Variants in MYH9 observed in about 807,000 individuals in gnomAD.
MYH9 encodes the protein myosin heavy chain 9.
MYH9 carries 29 observed loss-of-function variants against 241.9 expected under a neutral mutation model. The observed-to-expected ratio is 0.12, with a 90% CI of 0.09 to 0.16. MYH9 has a LOEUF of 0.16. Ranked by LOEUF, MYH9 falls within the 10% of genes least tolerant of loss-of-function variation. The pLI is 1.00. For synonymous variants in MYH9, 1,047 were observed against 1,062.6 expected (o/e 0.99, Z 0.29); for missense variants, 1,803 against 2,595.5 (o/e 0.69, Z 6.63).
At chr22:36,308,761 T>C (rs1286425447) in intron 15 of MYH9, 25 of 953,746 alleles carry the variant, frequency 2.6e-5, no homozygotes, top group Non-Finnish European at 2.9e-5. Flanking sequence ...TTGCACAGCT[T>C]TGGACGCACC....
intron 38 of MYH9, 59 bp from the exon 39 acceptor site, chr22:36,284,570 A>G: frequency 1.3e-6 from 2 of 1,542,044 alleles, no homozygotes; most frequent in East Asian, 2.3e-5. Flanking sequence ...TCCGGCCAAC[A>G]AGCCCTAACC....
chr22:36,314,419 C>T (rs1312237766), intron 12 of MYH9, 101 bp from the exon 13 acceptor site: 8 of 1,433,858 alleles, frequency 5.6e-6, no homozygotes, highest in African/African-American at 1.4e-5. Context: ...CAGGAAGGGC[C>T]TCCTTGGGCA....
chr22:36,312,362 C>T, intron 13 of MYH9, 140 bp from the exon 14 acceptor site: 7 of 804,776 alleles, frequency 8.7e-6, no homozygotes, highest in Non-Finnish European at 1.4e-5. Context: ...AAGCAAAGCA[C>T]TGTTGAAGAT....
At position 36,312,106 on chromosome 22, in the gene MYH9, C is replaced by T. The variant is rs759266266; in HGVS notation, c.1671G>A (p.Gln557=). The part of the protein sequence containing the change: ...MQEQGTHPKF[Q]KPKQLKDKAD... ...CTTTGTCCTTCAGCTGCTTGGGCTT[C>T]TGGAACTTGGGGTGGGTGCCCTGCT... Residue 557 remains glutamine, a synonymous_variant, in exon 14 of 41, where the codon CAG becomes CAA. Transcript: ENST00000216181. The T allele has an allele frequency of 6.2e-7, 1 of 1,614,228 alleles. No homozygotes were observed. The highest frequency in any genetic ancestry group is 8.5e-7 in the Non-Finnish European group (1 of 1,180,044).
At chr22:36,352,611 C>A (rs1045690578) in intron 1 of MYH9, among the ~76,000 whole-genome samples, 1 of 152,210 alleles carries the variant, frequency 6.6e-6, no homozygotes, top group African/African-American at 2.4e-5. Context: ...GCCCTCAGAA[C>A]CTCACCCTGT....
chr22:36,314,429 A>G, intron 12 of MYH9, 111 bp from the exon 13 acceptor site: 1 of 1,330,358 alleles, frequency 7.5e-7, no homozygotes. Flanking sequence ...CTCCTTGGGC[A>G]CCTCCATGCC....
intron 3 of MYH9, 136 bp downstream of exon 3, chr22:36,341,234 C>T: frequency 9.3e-7 from 1 of 1,079,368 alleles, no homozygotes. Context: ...CAGAGGTCTA[C>T]AGACCTCCAT....
intron 2 of MYH9, among the ~76,000 whole-genome samples, chr22:36,347,007 T>C (rs1425961212): frequency 6.6e-6 from 1 of 152,046 alleles, no homozygotes; most frequent in African/African-American, 2.4e-5. Flanking sequence ...CATAAAGAAA[T>C]AAAGAGCTAT....
At chr22:36,296,060 G>C (rs897536533) in intron 25 of MYH9, among the ~76,000 whole-genome samples, 1 of 152,224 alleles carries the variant, frequency 6.6e-6, no homozygotes, top group Non-Finnish European at 1.5e-5. Flanking sequence ...ATACGAATGT[G>C]CTACGGACTT....
rs749838560 is a variant in MYH9, at chr22:36,295,464, G to A, written c.3485+41C>T. Reference sequence around the variant, plus strand: ...ATGTCTCCAAGCCAAGGCCCCCCTGGCTGCCCTCCCCATCCCGAGGGACTT... The same window carrying A: ...ATGTCTCCAAGCCAAGGCCCCCCTGACTGCCCTCCCCATCCCGAGGGACTT... On this transcript the variant is annotated intron_variant, in intron 26 of 40. Transcript: ENST00000216181. This position sits in a 1 kb window ranked among gnomAD's most constrained non-coding sequence, Gnocchi z 4.1. The A allele has an allele frequency of 6.4e-7, 1 of 1,566,136 alleles. No homozygotes were observed. Among genetic ancestry groups the A allele is most frequent in the East Asian group, 2.2e-5 (1 of 44,548 alleles).
intron 1 of MYH9, among the ~76,000 whole-genome samples, chr22:36,350,874 T>C (rs1399254179): frequency 6.6e-6 from 1 of 152,192 alleles, no homozygotes; most frequent in Non-Finnish European, 1.5e-5. Flanking sequence ...AGAAGCTCAC[T>C]GCCCAGCTCC....
In MYH9 at chr22:36,295,754, T is replaced by C; in HGVS notation, c.3273-37A>G. ...ACCAGCAACATCAGTATAAGGAGAG[T>C]TTCACCTCCAAGGAGCAGAGTTTGC... On this transcript the variant is annotated intron_variant, in intron 25 of 40. Coordinates refer to ENST00000216181, the MANE Select transcript of MYH9 (RefSeq NM_002473.6). This position sits in a 1 kb window ranked among gnomAD's most constrained non-coding sequence, Gnocchi z 4.1. 1 of 1,577,368 alleles carries C rather than the reference T, an allele frequency of 6.3e-7. No homozygotes were observed. Among genetic ancestry groups the C allele is most frequent in the Non-Finnish European group, 8.7e-7 (1 of 1,153,936 alleles).
chr22:36,327,495 CA>C lies in MYH9; in HGVS notation c.491-8del. On this transcript the variant is annotated splice_region_variant and splice_polypyrimidine_tract_variant and intron_variant, in intron 3 of 40. Coordinates refer to ENST00000216181, the MANE Select transcript of MYH9 (RefSeq NM_002473.6). ...ATGGATTGATCTTCTCGGTCTGAAA[CA>C]AAGAAGACATCAGATTAACTCCCGC... 2 of 1,613,996 alleles carry C rather than the reference CA, an allele frequency of 1.2e-6. No individual in the cohort carries two copies. Among genetic ancestry groups the C allele is most frequent in the Non-Finnish European group, 1.7e-6 (2 of 1,179,914 alleles).
chr22:36,291,541 G>A (rs558964159), intron 31 of MYH9, among the ~76,000 whole-genome samples: 2 of 152,132 alleles, frequency 1.3e-5, no homozygotes, highest in East Asian at 1.9e-4. Context: ...CAAACACTGC[G>A]GAAGGCCAAA....
Position 36,320,403 on chromosome 22 carries a change from T to A in MYH9, c.869-40A>T. The A allele has an allele frequency of 6.2e-7, 1 of 1,607,926 alleles. No homozygotes were observed. Among genetic ancestry groups the A allele is most frequent in the Non-Finnish European group, 8.5e-7 (1 of 1,179,826 alleles). On this transcript the variant is annotated intron_variant, in intron 8 of 40. Coordinates refer to ENST00000216181, the MANE Select transcript of MYH9 (RefSeq NM_002473.6). This position sits in a 1 kb window ranked among gnomAD's most constrained non-coding sequence, Gnocchi z 4.8. ...GGGCAAGGGCGCCTCAGCGAGGTGC[T>A]GAAAGTGGAGGCTCCATCAGCGCTG...
chr22:36,365,011 A>T (rs1341108332), intron 1 of MYH9: 1 of 65,442 alleles, frequency 1.5e-5, no homozygotes, highest in Admixed American at 2.0e-4. Context: ...ACCAGCCCCT[A>T]CTTCTGCATT....
In MYH9 at chr22:36,293,700, G is replaced by T; in HGVS notation, c.3942+59C>A. The T allele has an allele frequency of 6.8e-7, 1 of 1,476,064 alleles. No homozygotes were observed. Among genetic ancestry groups the T allele is most frequent in the Non-Finnish European group, 9.4e-7 (1 of 1,062,102 alleles). The allele number at this position is 1,476,064 out of a possible 1,614,324, so 91.4% of individuals were successfully genotyped here. ...CGATGGGCTCTGAAGCTAATGTTGC[G>T]TGGACACAGAGGCCTTTCTGGAGGG... is the stretch of plus-strand genomic sequence containing the variant. On this transcript the variant is annotated intron_variant, in intron 29 of 40. Coordinates refer to ENST00000216181, the MANE Select transcript of MYH9 (RefSeq NM_002473.6). The surrounding 1 kb of genome is among the most constrained non-coding windows in gnomAD (Gnocchi z 5.1).
rs1221943218 is a variant in MYH9 at position 36,329,693 on chromosome 22, TGAG to T, written c.491-2208_491-2206del. Among the ~76,000 whole-genome samples, 2 of 152,166 alleles carry T rather than the reference TGAG, an allele frequency of 1.3e-5. No individual in the cohort carries two copies. The highest frequency in any genetic ancestry group is 2.9e-5 in the Non-Finnish European group (2 of 68,022). ...GATGGCTGGAATTCCTCTAATTGTG[TGAG>T]GAGGAGTCAGAGGCTCTGCTGCTGA... On this transcript the variant is annotated intron_variant, in intron 3 of 40. Transcript: ENST00000216181. This position sits in a 1 kb window ranked among gnomAD's most constrained non-coding sequence, Gnocchi z 4.1.
Position 36,306,316 on chromosome 22 carries a change from TG to T in MYH9, c.2037+97del. 1 of 1,491,060 alleles carries T rather than the reference TG, an allele frequency of 6.7e-7. No homozygotes were observed. The highest frequency in any genetic ancestry group is 2.4e-5 in the East Asian group (1 of 42,374). The allele number at this position is 1,491,060 out of a possible 1,614,324, so 92.4% of individuals were successfully genotyped here. A position where few individuals can be genotyped will look rare whatever the true frequency, so the allele number is the denominator to read the frequency against. Reference sequence around the variant, plus strand: ...AAACGACTGAAGGCTCTGTGCATGCTGGGGGGCTGGAGGGGTGCTTTTGCTG... The same window carrying T: ...AAACGACTGAAGGCTCTGTGCATGCTGGGGGCTGGAGGGGTGCTTTTGCTG... On this transcript the variant is annotated intron_variant, in intron 16 of 40. Coordinates refer to ENST00000216181, the MANE Select transcript of MYH9 (RefSeq NM_002473.6). The surrounding 1 kb of genome is among the most constrained non-coding windows in gnomAD (Gnocchi z 4.1).
Sources: gnomAD v4.1 joint callset for allele counts (sites outside exome capture counted in the v4.1 genomes callset) on GRCh38, gnomAD v4.1.1 for gene constraint, Gnocchi (gnomAD v3.1) non-coding constraint, MANE v1.5 for transcripts, NCBI Gene and HGNC (gene_info 2026-07-23, HGNC 2026-07-21) for gene names.